AGAP1: variants seen among roughly 807,000 people sequenced by gnomAD.
AGAP1 encodes the protein ArfGAP with GTPase domain, ankyrin repeat and PH domain 1.
AGAP1 carries 29 observed loss-of-function variants against 105.3 expected under a neutral mutation model. The ratio of observed to expected loss-of-function variants is 0.28; its 90% CI spans 0.21 to 0.38. AGAP1 has a LOEUF of 0.38. Among genes scored for constraint, AGAP1 ranks in the 10% least tolerant of loss-of-function variants. The probability of loss-of-function intolerance (pLI) is 1.00; values close to 1 mark genes in which losing one functional copy is unlikely to be tolerated. For missense variants in AGAP1, 998 were observed against 1,165.1 expected, an observed-to-expected ratio of 0.86 and a Z score of 2.09; for synonymous variants, 509 against 485.9, an observed-to-expected ratio of 1.05 and a Z score of -0.63.
At chr2:235,518,967 G>A (rs1218865541) in intron 1 of AGAP1, among the ~76,000 whole-genome samples, 1 of 152,162 alleles carries the variant, frequency 6.6e-6, no homozygotes, top group Admixed American at 6.5e-5. Context: ...CACACTGTTT[G>A]GGAACAGCAG....
intron 1 of AGAP1, among the ~76,000 whole-genome samples, chr2:235,672,441 C>T (rs1948487105): frequency 6.6e-6 from 1 of 152,224 alleles, no homozygotes; most frequent in Non-Finnish European, 1.5e-5. Flanking sequence ...TTTAGCTTGT[C>T]ATGGCACATC....
chr2:235,746,377 CTTTTTTTTTTTTTTT>C lies in AGAP1; in HGVS notation c.538+1558_538+1572del, dbSNP rs1172393048. Among the ~76,000 whole-genome samples the C allele has an allele frequency of 3.1e-3, 172 of 55,578 alleles. 1 individual carries two copies. The highest frequency in any genetic ancestry group is 0.012 in the African/African-American group (144 of 12,488). 36.5% of individuals were successfully genotyped at this position (55,578 alleles called of 152,430 possible). A position where few individuals can be genotyped will look rare whatever the true frequency, so the allele number is the denominator to read the frequency against. On this transcript the variant is annotated intron_variant, in intron 5 of 17. Transcript: ENST00000304032. ...GCTTCCTGGAGAGCACCTCCCCCAA[CTTTTTTTTTTTTTTT>C]TTTTTTTTTTTTTTTTTTTAAAGCG... is the stretch of plus-strand genomic sequence containing the variant.
rs568825652 is a variant in AGAP1, at chr2:235,578,838, T to C, written c.163+83989T>C. Reference sequence around the variant, plus strand: ...AATAAGCTATTTAAATAAACATTTGTGTATAGCCCAATAGTTTTTCACTGT... The same window carrying C: ...AATAAGCTATTTAAATAAACATTTGCGTATAGCCCAATAGTTTTTCACTGT... On this transcript the variant is annotated intron_variant, in intron 1 of 17. Coordinates refer to ENST00000304032, the MANE Select transcript of AGAP1 (RefSeq NM_001037131.3). This position sits in a 1 kb window ranked among gnomAD's most constrained non-coding sequence, Gnocchi z 4.9. Among the ~76,000 whole-genome samples the C allele has an allele frequency of 2.5e-4, 38 of 151,898 alleles. No homozygotes were observed. The highest frequency in any genetic ancestry group is 6.8e-3 in the Middle Eastern group (2 of 294).
Position 235,555,586 on chromosome 2 carries a change from T to G in AGAP1, c.163+60737T>G, listed in dbSNP as rs1943948399. On this transcript the variant is annotated intron_variant, in intron 1 of 17. Coordinates refer to ENST00000304032, the MANE Select transcript of AGAP1 (RefSeq NM_001037131.3). The surrounding 1 kb of genome is among the most constrained non-coding windows in gnomAD (Gnocchi z 5.1). ...CTGCAGCAGGAAGAGGTAGTCATGT[T>G]TGGAGGCCGGGCTGTGCATGAGCTA... 2.0e-5 allele frequency among the ~76,000 whole-genome samples: 3 copies of G among 152,196 alleles called. No homozygotes were observed. The South Asian group carries it at 6.2e-4, about 31-fold the overall frequency.
chr2:235,940,429 T>C (rs750456917), intron 12 of AGAP1, among the ~76,000 whole-genome samples: 45 of 152,332 alleles, frequency 3.0e-4, no homozygotes, highest in South Asian at 1.7e-3. Context: ...GATTTCTGGC[T>C]GACAAGGCCC....
At position 236,046,636 on chromosome 2, in the gene AGAP1, A is replaced by C. The variant is rs2125700996; in HGVS notation, c.1892-2423A>C. The stretch of plus-strand genomic sequence containing the variant: ...GTACGTGGTCGTTGCGTATATAATA[A>C]TTCAGGAGCCAGGAAGAGGTGTTAG... On this transcript the variant is annotated intron_variant, in intron 15 of 17. Transcript: ENST00000304032. The surrounding 1 kb of genome is among the most constrained non-coding windows in gnomAD (Gnocchi z 5.2). Among the ~76,000 whole-genome samples the C allele has an allele frequency of 6.6e-6, 1 of 152,272 alleles. No homozygotes were observed. Among genetic ancestry groups the C allele is most frequent in the African/African-American group, 2.4e-5 (1 of 41,568 alleles).
chr2:236,101,938 AAACATAC>A lies in AGAP1; in HGVS notation c.2115-18253_2115-18247del, dbSNP rs2059356226. Among the ~76,000 whole-genome samples the A allele has an allele frequency of 6.6e-6, 1 of 152,240 alleles. No homozygotes were observed. The highest frequency in any genetic ancestry group is 2.4e-5 in the African/African-American group (1 of 41,466). ...GCATGGCTTAGCTATGTTTCTGTGC[AAACATAC>A]TCACACACAGTTTCCAAATGAAGTC... On this transcript the variant is annotated intron_variant, in intron 16 of 17. Transcript: ENST00000304032. The surrounding 1 kb of genome is among the most constrained non-coding windows in gnomAD (Gnocchi z 4.9).
rs1425094194 is a variant in AGAP1, at chr2:236,090,094, T to C, written c.2115-30098T>C. ...GTGTTTACCAGGAAACCCACTGCTC[T>C]CCTCACCTTGCCCTGCGCGCCTGAG... On this transcript the variant is annotated intron_variant, in intron 16 of 17. Coordinates refer to ENST00000304032, the MANE Select transcript of AGAP1 (RefSeq NM_001037131.3). This position sits in a 1 kb window ranked among gnomAD's most constrained non-coding sequence, Gnocchi z 4.3. Among the ~76,000 whole-genome samples the C allele has an allele frequency of 6.6e-6, 1 of 152,208 alleles. No individual in the cohort carries two copies. Among genetic ancestry groups the C allele is most frequent in the Non-Finnish European group, 1.5e-5 (1 of 68,044 alleles).
intron 1 of AGAP1, among the ~76,000 whole-genome samples, chr2:235,693,423 A>C (rs1427260425): frequency 6.6e-6 from 1 of 152,160 alleles, no homozygotes; most frequent in African/African-American, 2.4e-5. Context: ...GCCCAAGTGC[A>C]GTCTCTGGCA....
chr2:235,652,493 C>T (rs994387719), intron 1 of AGAP1, among the ~76,000 whole-genome samples: 1 of 152,188 alleles, frequency 6.6e-6, no homozygotes, highest in Non-Finnish European at 1.5e-5. Flanking sequence ...CTCTATCTGT[C>T]TGGGGGTGGA....
intron 12 of AGAP1, among the ~76,000 whole-genome samples, chr2:235,933,535 G>A (rs530116118): frequency 1.5e-3 from 145 of 95,302 alleles, no homozygotes; most frequent in Middle Eastern, 5.1e-3. Context: ...ATTTTCTAAG[G>A]ATTTTTTTTT....
At chr2:235,796,375 A>G (rs935820422) in intron 6 of AGAP1, among the ~76,000 whole-genome samples, 6 of 152,228 alleles carry the variant, frequency 3.9e-5, no homozygotes, top group Admixed American at 2.0e-4. Flanking sequence ...CAATATGCCA[A>G]TGGTTCTGAG....
chr2:235,696,873 A>G (rs61054933), intron 1 of AGAP1, among the ~76,000 whole-genome samples: 7,025 of 151,812 alleles, frequency 0.046, 473 homozygotes, highest in African/African-American at 0.15. Flanking sequence ...AATCCTAGCT[A>G]CTCGGGAGGC....
rs1250212296 is a variant in AGAP1 at position 235,686,643 on chromosome 2, ATAGATATATATATATATATATATTT to A, written c.164-22534_164-22510del. Among the ~76,000 whole-genome samples the A allele has an allele frequency of 1.3e-4, 5 of 39,134 alleles. 1 individual carries two copies. The highest frequency in any genetic ancestry group is 6.5e-4 in the African/African-American group (5 of 7,750). 25.7% of individuals were successfully genotyped at this position (39,134 alleles called of 152,430 possible). Reference sequence around the variant, plus strand: ...TAGATATATATATATATATATATATATAGATATATATATATATATATATTTTTTTTTTTTTTTAGACAGAGTCTTG... The same window carrying A: ...TAGATATATATATATATATATATATATTTTTTTTTTTTAGACAGAGTCTTG... On this transcript the variant is annotated intron_variant, in intron 1 of 17. Transcript: ENST00000304032.
chr2:235,706,968 C>A (rs1040181), intron 1 of AGAP1, among the ~76,000 whole-genome samples: 118,243 of 152,198 alleles, frequency 0.78, 46,257 homozygotes, highest in East Asian at 0.97. Flanking sequence ...ATTAGTTACC[C>A]CTGACTGAGC....
rs1054622251 is a variant in AGAP1, at chr2:235,620,444, C to G, written c.164-88735C>G. On this transcript the variant is annotated intron_variant, in intron 1 of 17. Transcript: ENST00000304032. This position sits in a 1 kb window ranked among gnomAD's most constrained non-coding sequence, Gnocchi z 4.5. The stretch of plus-strand genomic sequence containing the variant: ...TGCCACTCTCCCCTTGCTCATGGCT[C>G]TGCTGATCCTTCAACCAAATGCATG... 3.3e-5 allele frequency among the ~76,000 whole-genome samples: 5 copies of G among 152,312 alleles called. No individual in the cohort carries two copies. Among genetic ancestry groups the G allele is most frequent in the Admixed American group, 1.3e-4 (2 of 15,302 alleles).
intron 1 of AGAP1, among the ~76,000 whole-genome samples, chr2:235,686,663 ATATT>A (rs1283138823): frequency 2.2e-4 from 13 of 59,746 alleles, no homozygotes; most frequent in East Asian, 4.7e-4. Context: ...ATATATATAT[ATATT>A]TTTTTTTTTT....
At chr2:235,704,872 A>G (rs1458713183) in intron 1 of AGAP1, among the ~76,000 whole-genome samples, 1 of 151,538 alleles carries the variant, frequency 6.6e-6, no homozygotes, top group Non-Finnish European at 1.5e-5. Flanking sequence ...ACCTGTCCTG[A>G]AGGGCTGCAG....
In AGAP1 at chr2:235,736,120, A is replaced by G. The variant is rs923920863; in HGVS notation, c.311-4843A>G. Among the ~76,000 whole-genome samples the G allele has an allele frequency of 2.0e-4, 31 of 151,536 alleles. No homozygotes were observed. The highest frequency in any genetic ancestry group is 2.9e-5 in the Non-Finnish European group (2 of 67,970). ...TTTCCCCTCTCACTGAGATGCGGTC[A>G]CAGCTGCCCAGCGACCTGGTTCCAC... is the stretch of plus-strand genomic sequence containing the variant. On this transcript the variant is annotated intron_variant, in intron 3 of 17. Coordinates refer to ENST00000304032, the MANE Select transcript of AGAP1 (RefSeq NM_001037131.3). This position sits in a 1 kb window ranked among gnomAD's most constrained non-coding sequence, Gnocchi z 5.5.
Sources: gnomAD v4.1 joint callset for allele counts (sites outside exome capture counted in the v4.1 genomes callset) on GRCh38, gnomAD v4.1.1 for gene constraint, Gnocchi (gnomAD v3.1) non-coding constraint, MANE v1.5 for transcripts, NCBI Gene and HGNC (gene_info 2026-07-23, HGNC 2026-07-21) for gene names.